Variants in POLR3G observed in about 807,000 individuals in gnomAD.
The protein encoded by POLR3G is DNA-directed RNA polymerase III subunit RPC7.
Under a neutral mutation model 30.1 loss-of-function variants are expected in POLR3G, and 28 were observed. That is an observed-to-expected ratio of 0.93 (90% CI 0.69 to 1.27). The LOEUF (loss-of-function observed/expected upper bound fraction) is 1.27. Among genes scored for constraint, POLR3G ranks in the 50% most tolerant of loss-of-function variants. The pLI is 0.00. For missense variants in POLR3G, 254 were observed against 264.6 expected (o/e 0.96, Z 0.28); for synonymous variants, 79 against 82.5 (o/e 0.96, Z 0.23).
chr5:90,486,074 T>G (rs994072516), intron 2 of POLR3G, among the ~76,000 whole-genome samples: 3 of 152,248 alleles, frequency 2.0e-5, no homozygotes, highest in Non-Finnish European at 4.4e-5. Context: ...CTATAGAATT[T>G]AAGTTTGCTC....
intron 5 of POLR3G, among the ~76,000 whole-genome samples, chr5:90,499,208 A>G (rs977928329): frequency 1.4e-4 from 21 of 152,140 alleles, no homozygotes; most frequent in African/African-American, 4.6e-4. Flanking sequence ...GCAGAATTAG[A>G]TAATTAGAAG....
chr5:90,507,784 G>A (rs1752560026), intron 7 of POLR3G, among the ~76,000 whole-genome samples: 1 of 152,092 alleles, frequency 6.6e-6, no homozygotes, highest in Non-Finnish European at 1.5e-5. Context: ...ATTTGTGGTA[G>A]ATCACATTTG....
chr5:90,497,278 AAATATATCAACTACAG>A (rs1298771535), intron 4 of POLR3G, among the ~76,000 whole-genome samples: 3 of 152,168 alleles, frequency 2.0e-5, no homozygotes, highest in Non-Finnish European at 2.9e-5. Flanking sequence ...GTTGCATAAG[AAATATATCAACTACAG>A]AATATATCAA....
chr5:90,484,757 G>T (rs1213791263), intron 1 of POLR3G, among the ~76,000 whole-genome samples: 1 of 152,132 alleles, frequency 6.6e-6, no homozygotes, highest in Non-Finnish European at 1.5e-5. Context: ...GTTAAATGAG[G>T]CTCAGTATTA....
chr5:90,474,199 T>C (rs771359640), upstream of POLR3G: 11 of 1,611,672 alleles, frequency 6.8e-6, no homozygotes, highest in Non-Finnish European at 9.3e-6. Flanking sequence ...ACCAGCCAGA[T>C]GTTGGCACGG....
At chr5:90,502,054 C>G in intron 6 of POLR3G, 66 bp downstream of exon 6, 6 of 1,550,074 alleles carry the variant, frequency 3.9e-6, no homozygotes, top group Non-Finnish European at 5.2e-6. Flanking sequence ...TCGTTTTGCT[C>G]TGTTTCAACC....
At position 90,504,209 on chromosome 5, in the gene POLR3G, A is replaced by T. The variant is rs558993848; in HGVS notation, c.438+2221A>T. On this transcript the variant is annotated intron_variant, in intron 6 of 7. Coordinates refer to ENST00000651687, the MANE Select transcript of POLR3G (RefSeq NM_006467.3). ...TTTTTTTAAAGGTATTTGAGGTAGC[A>T]ATAATAGAAATAGAGACTTCCTGGT... Among the ~76,000 whole-genome samples the T allele has an allele frequency of 3.9e-5, 6 of 152,116 alleles. No homozygotes were observed. The South Asian group carries it at 1.0e-3, about 26-fold the overall frequency.
rs1335623165 is a variant in POLR3G at position 90,513,002 on chromosome 5, G to T, written c.*863G>T. On this transcript the variant is annotated 3_prime_UTR_variant, in exon 8 of 8. Coordinates refer to ENST00000651687, the MANE Select transcript of POLR3G (RefSeq NM_006467.3). ...GTGTGGTGGCCTTTTATGTTTCAGA[G>T]TACTCAAGTGTACAATTGATTTATA... 1 of 151,968 alleles carries T rather than the reference G, an allele frequency of 6.6e-6. No individual in the cohort carries two copies. The highest frequency in any genetic ancestry group is 2.4e-5 in the African/African-American group (1 of 41,380). The allele number at this position is 151,968 out of a possible 1,614,324, so 9.4% of individuals were successfully genotyped here.
rs1322759280 is a variant in POLR3G, at chr5:90,506,611, T to G, written c.522T>G (p.Gly174=). Reference sequence around the variant, plus strand: ...GAAGCAAAGAGAAAAGTAAAGAAGGTGATGATGACGATGACGATGATGCCG... The same window carrying G: ...GAAGCAAAGAGAAAAGTAAAGAAGGGGATGATGACGATGACGATGATGCCG... ...KEGSKEKSKE[G]DDDDDDDAAE... is the part of the protein sequence containing the mutation. The change falls in exon 7 of 8, where the codon GGT becomes GGG. Residue 174 remains glycine, a synonymous_variant. Transcript: ENST00000651687. 1.2e-6 allele frequency: 2 copies of G among 1,613,284 alleles called. No homozygotes were observed. Among genetic ancestry groups the G allele is most frequent in the African/African-American group, 2.7e-5 (2 of 74,814 alleles).
chr5:90,514,216 G>T lies in POLR3G; in HGVS notation c.*2077G>T, dbSNP rs1219948789. ...TACCAGCATGAGTCTCATTTTTCTG[G>T]CTTAAAATCTGGGACTGTGAAATTA... On this transcript the variant is annotated 3_prime_UTR_variant, in exon 8 of 8. Transcript: ENST00000651687. 1 of 152,102 alleles carries T rather than the reference G, an allele frequency of 6.6e-6. No individual in the cohort carries two copies. The highest frequency in any genetic ancestry group is 2.4e-5 in the African/African-American group (1 of 41,402). The allele number at this position is 152,102 out of a possible 1,614,324, so 9.4% of individuals were successfully genotyped here.
chr5:90,502,804 CTT>C (rs10675068), intron 6 of POLR3G, among the ~76,000 whole-genome samples: 1 of 144,270 alleles, frequency 6.9e-6, no homozygotes, highest in Non-Finnish European at 1.5e-5. Context: ...CCTCATCCTT[CTT>C]TTTTTTTTTT....
chr5:90,503,277 A>C (rs1752341200), intron 6 of POLR3G, among the ~76,000 whole-genome samples: 2 of 152,362 alleles, frequency 1.3e-5, no homozygotes, highest in East Asian at 1.9e-4. Flanking sequence ...TGCCTGGCCA[A>C]GTTGGCACAG....
chr5:90,480,555 TC>T (rs10717708), intron 1 of POLR3G, among the ~76,000 whole-genome samples: 1,685 of 152,304 alleles, frequency 0.011, 37 homozygotes, highest in African/African-American at 0.038. Context: ...CAAGAGCTGT[TC>T]CATGAAGCAG....
At chr5:90,492,451 T>A (rs1751770015) in intron 3 of POLR3G, among the ~76,000 whole-genome samples, 1 of 152,206 alleles carries the variant, frequency 6.6e-6, no homozygotes, top group Non-Finnish European at 1.5e-5. Context: ...CAACAATGAT[T>A]GAAAGGAAAT....
At chr5:90,509,612 G>A (rs1051932313) in intron 7 of POLR3G, among the ~76,000 whole-genome samples, 1 of 152,206 alleles carries the variant, frequency 6.6e-6, no homozygotes, top group Non-Finnish European at 1.5e-5. Flanking sequence ...GACAATTTAG[G>A]TGATCTGAAG....
At chr5:90,484,723 C>T (rs1170858341) in intron 1 of POLR3G, among the ~76,000 whole-genome samples, 2 of 152,150 alleles carry the variant, frequency 1.3e-5, no homozygotes, top group Non-Finnish European at 2.9e-5. Context: ...AGGGGACATA[C>T]CATTTCTCTC....
At chr5:90,484,866 A>C (rs1751355320) in intron 1 of POLR3G, among the ~76,000 whole-genome samples, 1 of 152,236 alleles carries the variant, frequency 6.6e-6, no homozygotes, top group Non-Finnish European at 1.5e-5. Flanking sequence ...ATCCCTGTTT[A>C]TACATTGGCA....
At chr5:90,507,382 A>C (rs1752535387) in intron 7 of POLR3G, among the ~76,000 whole-genome samples, 1 of 152,210 alleles carries the variant, frequency 6.6e-6, no homozygotes, top group Non-Finnish European at 1.5e-5. Context: ...GGAAACTTCC[A>C]ACTATGAAAT....
chr5:90,494,189 G>A (rs200010410), intron 3 of POLR3G, among the ~76,000 whole-genome samples: 4 of 152,154 alleles, frequency 2.6e-5, no homozygotes, highest in East Asian at 3.9e-4. Context: ...TCTTTCACTT[G>A]CCATAATGTT....
Sources: allele counts gnomAD v4.1 joint callset (sites outside exome capture counted in the v4.1 genomes callset), GRCh38; gene constraint gnomAD v4.1.1; transcripts MANE v1.5; gene names NCBI Gene and HGNC (gene_info 2026-07-23, HGNC 2026-07-21).